Variants in ATP8B1 observed in about 807,000 individuals in gnomAD.
ATP8B1 encodes phospholipid-transporting ATPase IC.
ATP8B1 carries 80 observed loss-of-function variants against 149.9 expected under a neutral mutation model. That is an observed-to-expected ratio of 0.53 (90% CI 0.45 to 0.64). The LOEUF is 0.64. Ranked by LOEUF, ATP8B1 falls within the 30% of genes least tolerant of loss-of-function variation. The probability of loss-of-function intolerance (pLI) is 0.00; values close to 1 mark genes in which losing one functional copy is unlikely to be tolerated. For synonymous variants in ATP8B1, 536 were observed against 562.8 expected (o/e 0.95, Z 0.67); for missense variants, 1,247 against 1,552.6 (o/e 0.80, Z 3.31).
At chr18:57,790,590 C>G (rs879780527) in intron 1 of ATP8B1, among the ~76,000 whole-genome samples, 4 of 152,176 alleles carry the variant, frequency 2.6e-5, no homozygotes, top group African/African-American at 7.2e-5. Flanking sequence ...CACTCTTCCC[C>G]TGACTGGTAC....
chr18:57,686,504 TC>T (rs1449159022), intron 13 of ATP8B1, among the ~76,000 whole-genome samples: 1 of 151,952 alleles, frequency 6.6e-6, no homozygotes, highest in Non-Finnish European at 1.5e-5. Context: ...CACTGCAACC[TC>T]CACCTCCCGG....
chr18:57,723,201 C>T (rs1357253335), intron 2 of ATP8B1, among the ~76,000 whole-genome samples: 1 of 145,262 alleles, frequency 6.9e-6, no homozygotes, highest in Non-Finnish European at 1.5e-5. Flanking sequence ...GTCAGGGATG[C>T]CCTCTCTCAC....
At chr18:57,736,622 ATTTTT>A (rs71171080) in intron 1 of ATP8B1, among the ~76,000 whole-genome samples, 21 of 119,034 alleles carry the variant, frequency 1.8e-4, no homozygotes, top group Admixed American at 2.6e-4. Flanking sequence ...CACCATGCCT[ATTTTT>A]TTTTTTTTTT....
chr18:57,791,771 T>C (rs1030327068), intron 1 of ATP8B1, among the ~76,000 whole-genome samples: 12 of 152,264 alleles, frequency 7.9e-5, no homozygotes, highest in African/African-American at 2.4e-4. Context: ...GTCTTCATTA[T>C]TCTCTTAGAA....
At chr18:57,650,581 G>A in intron 26 of ATP8B1, 84 bp from the exon 27 acceptor site, 1 of 1,518,544 alleles carries the variant, frequency 6.6e-7, no homozygotes, top group Non-Finnish European at 9.0e-7. Context: ...GGTGGCTCAT[G>A]CCTGTAATCC....
intron 1 of ATP8B1, among the ~76,000 whole-genome samples, chr18:57,778,700 T>C (rs1047584328): frequency 6.6e-6 from 1 of 152,184 alleles, no homozygotes; most frequent in African/African-American, 2.4e-5. Flanking sequence ...TCTTGGGCTG[T>C]TGGCCAGAGG....
chr18:57,702,672 A>T (rs1913185776), intron 4 of ATP8B1, among the ~76,000 whole-genome samples: 1 of 152,164 alleles, frequency 6.6e-6, no homozygotes, highest in African/African-American at 2.4e-5. Context: ...AGCCTGACCA[A>T]CATAGAGAAA....
chr18:57,672,886 G>GCATATATATA (rs1911298493), intron 16 of ATP8B1, among the ~76,000 whole-genome samples: 1 of 14,072 alleles, frequency 7.1e-5, no homozygotes, highest in African/African-American at 2.3e-4. Flanking sequence ...AAAAAAAAAA[G>GCATATATATA]TATATATATA....
At chr18:57,756,491 C>T (rs567127008) in intron 1 of ATP8B1, among the ~76,000 whole-genome samples, 13 of 151,502 alleles carry the variant, frequency 8.6e-5, no homozygotes, top group South Asian at 8.4e-4. Context: ...AGTAGAGACA[C>T]GGTTTTACCA....
In ATP8B1 at chr18:57,731,744, C is replaced by T; in HGVS notation, c.64G>A (p.Val22Ile). Reference protein sequence around the residue: ...DEDSQPNDEVVPYSDDETEDE... With the variant: ...DEDSQPNDEVIPYSDDETEDE... ...TCTGTTTCATCATCACTGTAGGGAA[C>T]CACTTCGTCATTAGGCTGAGAATCC... is the stretch of plus-strand genomic sequence containing the variant. The change falls in exon 2 of 28, where the codon GTT becomes ATT. Residue 22 changes from valine (V) to isoleucine (I), a missense_variant. Transcript: ENST00000648908. 6.2e-7 allele frequency: 1 copy of T among 1,614,126 alleles called. No individual in the cohort carries two copies. The highest frequency in any genetic ancestry group is 8.5e-7 in the Non-Finnish European group (1 of 1,180,030).
At chr18:57,675,956 C>G (rs1351059849) in intron 15 of ATP8B1, among the ~76,000 whole-genome samples, 3 of 152,074 alleles carry the variant, frequency 2.0e-5, no homozygotes, top group Non-Finnish European at 4.4e-5. Flanking sequence ...ATTCGCCTGC[C>G]TCAGTCCCTA....
intron 1 of ATP8B1, among the ~76,000 whole-genome samples, chr18:57,760,798 G>A (rs916162960): frequency 6.6e-6 from 1 of 152,056 alleles, no homozygotes; most frequent in Non-Finnish European, 1.5e-5. Flanking sequence ...AGACCAGCCT[G>A]ACTACCATGG....
At position 57,704,786 on chromosome 18, in the gene ATP8B1, A is replaced by G. The variant is rs368238069; in HGVS notation, c.280-118T>C. The G allele has an allele frequency of 4.2e-5, 31 of 744,460 alleles. No individual in the cohort carries two copies. In the African/African-American group the frequency reaches 4.5e-4, roughly 11 times the overall value. 46.1% of individuals were successfully genotyped at this position (744,460 alleles called of 1,614,324 possible). A position where few individuals can be genotyped will look rare whatever the true frequency, so the allele number is the denominator to read the frequency against. Reference sequence around the variant, plus strand: ...GACAAAGGAACATCATCTGTCAGAAAGATATTGAGGATTTTGTCTGGGTGC... The same window carrying G: ...GACAAAGGAACATCATCTGTCAGAAGGATATTGAGGATTTTGTCTGGGTGC... On this transcript the variant is annotated intron_variant, in intron 3 of 27. Coordinates refer to ENST00000648908, the MANE Select transcript of ATP8B1 (RefSeq NM_001374385.1).
intron 1 of ATP8B1, among the ~76,000 whole-genome samples, chr18:57,756,946 C>T (rs1011124678): frequency 6.6e-6 from 1 of 152,050 alleles, no homozygotes; most frequent in African/African-American, 2.4e-5. Flanking sequence ...CGCAAATGTC[C>T]CGTTCCTTAT....
intron 13 of ATP8B1, among the ~76,000 whole-genome samples, chr18:57,687,582 T>C (rs1312769723): frequency 6.6e-6 from 1 of 152,172 alleles, no homozygotes; most frequent in Non-Finnish European, 1.5e-5. Context: ...TAATATTTCA[T>C]TGTGCGTATC....
At chr18:57,732,155 A>ATATGTGTG (rs2079777596) in intron 1 of ATP8B1, 1 of 43,640 alleles carries the variant, frequency 2.3e-5, no homozygotes, top group South Asian at 6.5e-4. Context: ...GTATATATGT[A>ATATGTGTG]TATATATGTA....
intron 1 of ATP8B1, among the ~76,000 whole-genome samples, chr18:57,751,276 G>A (rs2080015636): frequency 6.6e-6 from 1 of 151,964 alleles, no homozygotes; most frequent in Admixed American, 6.6e-5. Flanking sequence ...GATCACATGA[G>A]CTCAGGAGAC....
At chr18:57,720,929 G>T (rs2079639122) in intron 2 of ATP8B1, among the ~76,000 whole-genome samples, 1 of 150,132 alleles carries the variant, frequency 6.7e-6, no homozygotes, top group Admixed American at 6.7e-5. Flanking sequence ...AGAAGAGAGT[G>T]GGGGCCAGTA....
intron 20 of ATP8B1, among the ~76,000 whole-genome samples, chr18:57,666,082 C>G (rs1369658462): frequency 6.6e-6 from 1 of 152,162 alleles, no homozygotes; most frequent in Non-Finnish European, 1.5e-5. Context: ...TTTATCACAC[C>G]TGGCAAATGT....
Sources: gnomAD v4.1 joint callset for allele counts (sites outside exome capture counted in the v4.1 genomes callset) on GRCh38, gnomAD v4.1.1 for gene constraint, MANE v1.5 for transcripts, NCBI Gene and HGNC (gene_info 2026-07-23, HGNC 2026-07-21) for gene names.